Variants in LRTM2 observed in about 807,000 individuals in gnomAD.
The protein encoded by LRTM2 is leucine-rich repeat and transmembrane domain-containing protein 2.
Under a neutral mutation model 28.1 loss-of-function variants are expected in LRTM2, and 18 were observed. The observed-to-expected ratio is 0.64, with a 90% CI of 0.44 to 0.95. LRTM2 has a LOEUF of 0.95. Ranked by LOEUF, LRTM2 falls within the 40% of genes least tolerant of loss-of-function variation. LRTM2 has a pLI of 0.00. For synonymous variants in LRTM2, 250 were observed against 218.7 expected (o/e 1.14, Z -1.26); for missense variants, 436 against 497.2 (o/e 0.88, Z 1.17).
chr12:1,828,110 C>G lies in LRTM2; in HGVS notation c.-39C>G. The G allele has an allele frequency of 2.0e-6, 3 of 1,498,252 alleles. No individual in the cohort carries two copies. Among genetic ancestry groups the G allele is most frequent in the South Asian group, 1.3e-5 (1 of 77,362 alleles). 92.8% of individuals were successfully genotyped at this position (1,498,252 alleles called of 1,614,324 possible). On this transcript the variant is annotated 5_prime_UTR_variant, in exon 3 of 5. Transcript: ENST00000299194. This position sits in a 1 kb window ranked among gnomAD's most constrained non-coding sequence, Gnocchi z 4.2. The stretch of plus-strand genomic sequence containing the variant: ...GCGGCGCACCCAGGGGCTCCTCTCT[C>G]CCCAGAGCGACAGGGCCCGGAGAGC...
chr12:1,829,716 A>G lies in LRTM2; in HGVS notation c.68-1219A>G, dbSNP rs532721468. On this transcript the variant is annotated intron_variant, in intron 3 of 4. Transcript: ENST00000299194. This position sits in a 1 kb window ranked among gnomAD's most constrained non-coding sequence, Gnocchi z 4.2. The stretch of plus-strand genomic sequence containing the variant: ...CGGCCCACCCCGACCTGGGACAGCC[A>G]GGTCCCAGGTCCCATGTCAGGGTGG... Among the ~76,000 whole-genome samples, 125 of 143,878 alleles carry G rather than the reference A, an allele frequency of 8.7e-4. No individual in the cohort carries two copies. Among genetic ancestry groups the G allele is most frequent in the Non-Finnish European group, 1.6e-3 (104 of 65,842 alleles). 94.4% of individuals were successfully genotyped at this position (143,878 alleles called of 152,430 possible). A position where few individuals can be genotyped will look rare whatever the true frequency, so the allele number is the denominator to read the frequency against.
chr12:1,823,599 C>A (rs1225027185), intron 1 of LRTM2, among the ~76,000 whole-genome samples: 1 of 151,932 alleles, frequency 6.6e-6, no homozygotes, highest in Non-Finnish European at 1.5e-5. Context: ...AGAGCTCCGG[C>A]CTACTCCCCT....
At position 1,824,219 on chromosome 12, in the gene LRTM2, C is replaced by T. The variant is rs546956126; in HGVS notation, c.-258-3191C>T. On this transcript the variant is annotated intron_variant, in intron 1 of 4. Coordinates refer to ENST00000299194, the MANE Select transcript of LRTM2 (RefSeq NM_001039029.3). ...GCCGTTTGCCCTGCTGAGAGGTGCCCGGCCTAGTCGTATCAAACTCAAATA... is the reference window on the plus strand; with the variant it reads ...GCCGTTTGCCCTGCTGAGAGGTGCCTGGCCTAGTCGTATCAAACTCAAATA... 2.1e-4 allele frequency among the ~76,000 whole-genome samples: 32 copies of T among 152,276 alleles called. No homozygotes were observed. The South Asian group carries it at 5.6e-3, about 27-fold the overall frequency.
Position 1,830,940 on chromosome 12 carries a change from A to AC in LRTM2, c.75dup (p.Cys26LeufsTer21). On this transcript the variant is annotated frameshift_variant, in exon 4 of 5. Transcript: ENST00000299194. LOFTEE classifies it high-confidence loss of function. ...CGTCTGTCCCTCCCACCAAGGGATC[A>AC]CCTGCTGGATCGCCCTGTATGCTGT... 2 of 1,595,864 alleles carry AC rather than the reference A, an allele frequency of 1.3e-6. No individual in the cohort carries two copies. Among genetic ancestry groups the AC allele is most frequent in the South Asian group, 2.2e-5 (2 of 90,002 alleles).
Position 1,834,664 on chromosome 12 carries a change from G to A in LRTM2, c.1056G>A (p.Leu352=). The change falls in exon 5 of 5, where the codon CTG becomes CTA. Residue 352 remains leucine, a synonymous_variant. Transcript: ENST00000299194. The surrounding 1 kb of genome is among the most constrained non-coding windows in gnomAD (Gnocchi z 7.6). ...GGGAGCTCAAAAAGCGCCAGCCCCTGATGGGGGACCCCGAGGGCGAGCACG... is the reference window on the plus strand; with the variant it reads ...GGGAGCTCAAAAAGCGCCAGCCCCTAATGGGGGACCCCGAGGGCGAGCACG... ...YHRELKKRQP[L]MGDPEGEHED... 6.2e-7 allele frequency: 1 copy of A among 1,601,714 alleles called. No homozygotes were observed. Among genetic ancestry groups the A allele is most frequent in the Non-Finnish European group, 8.5e-7 (1 of 1,179,734 alleles).
At position 1,833,222 on chromosome 12, in the gene LRTM2, A is replaced by G. The variant is rs141493742; in HGVS notation, c.659-1045A>G. Among the ~76,000 whole-genome samples, 9 of 152,308 alleles carry G rather than the reference A, an allele frequency of 5.9e-5. No individual in the cohort carries two copies. The highest frequency in any genetic ancestry group is 3.3e-4 in the Admixed American group (5 of 15,302). On this transcript the variant is annotated intron_variant, in intron 4 of 4. Coordinates refer to ENST00000299194, the MANE Select transcript of LRTM2 (RefSeq NM_001039029.3). The surrounding 1 kb of genome is among the most constrained non-coding windows in gnomAD (Gnocchi z 4.2). Reference sequence around the variant, plus strand: ...GGGAAAGATTGATGCCTATTGTATGAGGAGACTTGCGGCAGATGGGCTGCA... The same window carrying G: ...GGGAAAGATTGATGCCTATTGTATGGGGAGACTTGCGGCAGATGGGCTGCA...
rs60874844 is a variant in LRTM2 at position 1,828,229 on chromosome 12, TG to T, written c.67+16del. 13,733 of 1,489,992 alleles carry T rather than the reference TG, an allele frequency of 9.2e-3. 910 individuals carry two copies. The African/African-American group carries it at 0.16, about 17-fold the overall frequency. The allele number at this position is 1,489,992 out of a possible 1,614,324, so 92.3% of individuals were successfully genotyped here. A position where few individuals can be genotyped will look rare whatever the true frequency, so the allele number is the denominator to read the frequency against. Reference sequence around the variant, plus strand: ...GGCAAGTCTCCTGTGAGTACACCCCTGGCCTCGGAGGGGGGTGCGGGTTGGG... The same window carrying T: ...GGCAAGTCTCCTGTGAGTACACCCCTGCCTCGGAGGGGGGTGCGGGTTGGG... On this transcript the variant is annotated intron_variant, in intron 3 of 4. Transcript: ENST00000299194. The surrounding 1 kb of genome is among the most constrained non-coding windows in gnomAD (Gnocchi z 4.2).
At position 1,834,293 on chromosome 12, in the gene LRTM2, A is replaced by G. The variant is rs1317030538; in HGVS notation, c.685A>G (p.Thr229Ala). 6.3e-7 allele frequency: 1 copy of G among 1,598,364 alleles called. No individual in the cohort carries two copies. Among genetic ancestry groups the G allele is most frequent in the Non-Finnish European group, 8.5e-7 (1 of 1,171,108 alleles). Residue 229 changes from threonine (T) to alanine (A), a missense_variant, in exon 5 of 5, where the codon ACC becomes GCC. Coordinates refer to ENST00000299194, the MANE Select transcript of LRTM2 (RefSeq NM_001039029.3). The surrounding 1 kb of genome is among the most constrained non-coding windows in gnomAD (Gnocchi z 7.6). ...GGGACGCTTGGACCAGCTTGCCTGC[A>G]CCCTGCCCAAGGAGCTGAGGGGGAA... ...RGGRLDQLAC[T>A]LPKELRGKDM...
intron 1 of LRTM2, among the ~76,000 whole-genome samples, chr12:1,822,852 C>T (rs1279192827): frequency 6.6e-6 from 1 of 152,192 alleles, no homozygotes; most frequent in Non-Finnish European, 1.5e-5. Flanking sequence ...TCCCCTGCGT[C>T]CTGGCCACAT....
chr12:1,831,083 CCT>C lies in LRTM2; in HGVS notation c.219_220del (p.Leu74AlafsTer5). 1 of 1,614,040 alleles carries C rather than the reference CCT, an allele frequency of 6.2e-7. No individual in the cohort carries two copies. The highest frequency in any genetic ancestry group is 8.5e-7 in the Non-Finnish European group (1 of 1,180,028). On this transcript the variant is annotated frameshift_variant, in exon 4 of 5. Transcript: ENST00000299194. LOFTEE classifies it high-confidence loss of function. ...PPDVPAATRTLLLLNNKLSAL... is the reference protein window; with the variant it reads ...PPDVPAATRTXLLLNNKLSAL... ...CAGACGTGCCCGCAGCCACCCGAACCCTCTTGCTCTTGAACAATAAGCTGAGT... is the reference window on the plus strand; with the variant it reads ...CAGACGTGCCCGCAGCCACCCGAACCCTTGCTCTTGAACAATAAGCTGAGT...
rs767925655 is a variant in LRTM2 at position 1,830,951 on chromosome 12, C to G, written c.84C>G (p.Ile28Met). Residue 28 changes from isoleucine (I) to methionine (M), a missense_variant, in exon 4 of 5, where the codon ATC (isoleucine) becomes ATG (methionine). Physicochemically the swap from Ile to Met is conservative, Grantham distance 10. Transcript: ENST00000299194. ...WRQVSWITCW[I>M]ALYAVEALPT... is the part of the protein sequence containing the mutation. ...CCCACCAAGGGATCACCTGCTGGATCGCCCTGTATGCTGTGGAGGCCCTCC... is the reference window on the plus strand; with the variant it reads ...CCCACCAAGGGATCACCTGCTGGATGGCCCTGTATGCTGTGGAGGCCCTCC... 1 of 1,601,990 alleles carries G rather than the reference C, an allele frequency of 6.2e-7. No homozygotes were observed. Among genetic ancestry groups the G allele is most frequent in the Non-Finnish European group, 8.5e-7 (1 of 1,170,994 alleles).
In LRTM2 at chr12:1,829,941, G is replaced by A. The variant is rs952965263; in HGVS notation, c.68-994G>A. Among the ~76,000 whole-genome samples, 7 of 152,118 alleles carry A rather than the reference G, an allele frequency of 4.6e-5. No homozygotes were observed. Among genetic ancestry groups the A allele is most frequent in the African/African-American group, 7.2e-5 (3 of 41,414 alleles). On this transcript the variant is annotated intron_variant, in intron 3 of 4. Coordinates refer to ENST00000299194, the MANE Select transcript of LRTM2 (RefSeq NM_001039029.3). This position sits in a 1 kb window ranked among gnomAD's most constrained non-coding sequence, Gnocchi z 4.2. ...CTTAGGGGTTTTTGAGGCCACTATTGGAAAGGGCTGCTGCATAATGGAAGG... is the reference window on the plus strand; with the variant it reads ...CTTAGGGGTTTTTGAGGCCACTATTAGAAAGGGCTGCTGCATAATGGAAGG...
chr12:1,834,752 G>GCCT lies in LRTM2; in HGVS notation c.*31_*32insCCT, dbSNP rs1864782685. On this transcript the variant is annotated 3_prime_UTR_variant, in exon 5 of 5. Coordinates refer to ENST00000299194, the MANE Select transcript of LRTM2 (RefSeq NM_001039029.3). This position sits in a 1 kb window ranked among gnomAD's most constrained non-coding sequence, Gnocchi z 7.6. ...CATCCCCACCCGGCCAGGTAGGAAG[G>GCCT]GCGGGGAGAGCACACGGCATTGCTC... The GCCT allele has an allele frequency of 1.3e-6, 2 of 1,555,550 alleles. No homozygotes were observed. Among genetic ancestry groups the GCCT allele is most frequent in the Non-Finnish European group, 1.7e-6 (2 of 1,153,556 alleles).
chr12:1,821,626 G>A (rs1381990334), intron 1 of LRTM2, among the ~76,000 whole-genome samples: 1 of 152,168 alleles, frequency 6.6e-6, no homozygotes, highest in African/African-American at 2.4e-5. Flanking sequence ...TGGGTGGGGG[G>A]TACACAGCGG....
At chr12:1,824,456 C>T (rs892027812) in intron 1 of LRTM2, among the ~76,000 whole-genome samples, 1 of 152,208 alleles carries the variant, frequency 6.6e-6, no homozygotes, top group African/African-American at 2.4e-5. Context: ...CTCTTCAGCC[C>T]CATTCTCCAA....
rs1035594425 is a variant in LRTM2 at position 1,831,607 on chromosome 12, GCTGA to G, written c.658+85_658+88del. On this transcript the variant is annotated intron_variant, in intron 4 of 4. Transcript: ENST00000299194. ...CACACTTTCCTCCTGGTGGCTGGGT[GCTGA>G]CTCAGAGAGCAGGCCAGGGGAAAGA... 15 of 1,238,642 alleles carry G rather than the reference GCTGA, an allele frequency of 1.2e-5. No individual in the cohort carries two copies. In the African/African-American group the frequency reaches 1.5e-4, roughly 12 times the overall value. The allele number at this position is 1,238,642 out of a possible 1,614,324, so 76.7% of individuals were successfully genotyped here. A position where few individuals can be genotyped will look rare whatever the true frequency, so the allele number is the denominator to read the frequency against.
intron 1 of LRTM2, among the ~76,000 whole-genome samples, chr12:1,822,806 G>A (rs765259425): frequency 2.0e-5 from 3 of 152,194 alleles, no homozygotes; most frequent in African/African-American, 7.2e-5. Flanking sequence ...GACAGGCAGC[G>A]GTAGGCGGAG....
rs115505596 is a variant in LRTM2, at chr12:1,832,303, G to A, written c.658+778G>A. ...TGTGGCAGGGCCTGGTCTGTAAAGTGGGAAGGAAACAATATCTATTTCGTA... is the reference window on the plus strand; with the variant it reads ...TGTGGCAGGGCCTGGTCTGTAAAGTAGGAAGGAAACAATATCTATTTCGTA... On this transcript the variant is annotated intron_variant, in intron 4 of 4. Coordinates refer to ENST00000299194, the MANE Select transcript of LRTM2 (RefSeq NM_001039029.3). Among the ~76,000 whole-genome samples the A allele has an allele frequency of 6.7e-3, 1,024 of 152,310 alleles. 12 individuals are homozygous for A. Among genetic ancestry groups the A allele is most frequent in the African/African-American group, 0.022 (925 of 41,570 alleles).
intron 1 of LRTM2, chr12:1,823,300 G>A (rs1449249005): frequency 6.6e-6 from 1 of 152,390 alleles, no homozygotes; most frequent in Non-Finnish European, 1.5e-5. Flanking sequence ...GAGGTTTCTA[G>A]CTAGAGTCTG....
Sources: gnomAD v4.1 joint callset for allele counts (sites outside exome capture counted in the v4.1 genomes callset) on GRCh38, gnomAD v4.1.1 for gene constraint, Gnocchi (gnomAD v3.1) non-coding constraint, MANE v1.5 for transcripts, NCBI Gene and HGNC (gene_info 2026-07-23, HGNC 2026-07-21) for gene names.